Variants in ASPSCR1 observed in about 807,000 individuals in gnomAD.
The protein encoded by ASPSCR1 is tether containing UBX domain for GLUT4.
ASPSCR1 carries 55 observed loss-of-function variants against 68.9 expected under a neutral mutation model. The ratio of observed to expected loss-of-function variants is 0.80; its 90% confidence interval spans 0.64 to 1.00. The LOEUF is 1.00. Among genes scored for constraint, ASPSCR1 ranks in the 50% least tolerant of loss-of-function variants. ASPSCR1 has a pLI of 0.00. For synonymous variants in ASPSCR1, 352 were observed against 332.6 expected, an observed-to-expected ratio of 1.06 and a Z score of -0.63; for missense variants, 765 against 762.2, an observed-to-expected ratio of 1.00 and a Z score of -0.04.
chr17:82,013,932 G>A (rs1459588832), intron 12 of ASPSCR1: 1 of 152,280 alleles, frequency 6.6e-6, no homozygotes, highest in Non-Finnish European at 1.5e-5. Context: ...TCATGAGGAA[G>A]GTCACCCTGG....
rs991485902 is a variant in ASPSCR1 at position 81,999,962 on chromosome 17, A to G, written c.933+3116A>G. 8.5e-5 allele frequency among the ~76,000 whole-genome samples: 13 copies of G among 152,070 alleles called. No individual in the cohort carries two copies. Among genetic ancestry groups the G allele is most frequent in the Non-Finnish European group, 1.9e-4 (13 of 67,998 alleles). On this transcript the variant is annotated intron_variant, in intron 7 of 15. Coordinates refer to ENST00000306739, the MANE Select transcript of ASPSCR1 (RefSeq NM_024083.4). This position sits in a 1 kb window ranked among gnomAD's most constrained non-coding sequence, Gnocchi z 4.4. ...CTGTTGAGTGGACAAGGGAGTGGGG[A>G]GTGAGGGTGTTGGGTCCATTCTAGG... is the stretch of plus-strand genomic sequence containing the variant.
intron 4 of ASPSCR1, among the ~76,000 whole-genome samples, chr17:81,992,761 C>T (rs2042214412): frequency 6.6e-6 from 1 of 152,262 alleles, no homozygotes; most frequent in Non-Finnish European, 1.5e-5. Flanking sequence ...GCCGAGTCTC[C>T]AGCCATTTGG....
rs368141370 is a variant in ASPSCR1, at chr17:81,989,938, C to G, written c.374+4331C>G. 4.8e-4 allele frequency among the ~76,000 whole-genome samples: 73 copies of G among 152,342 alleles called. 2 individuals are homozygous for G. The South Asian group carries it at 0.015, about 31-fold the overall frequency. On this transcript the variant is annotated intron_variant, in intron 4 of 15. Transcript: ENST00000306739. The stretch of plus-strand genomic sequence containing the variant: ...GAGTAGCTGGGATTACTGGCGCACG[C>G]CATCACGCCTGGCTAATTTTTGTAT...
chr17:81,983,436 C>A lies in ASPSCR1; in HGVS notation c.159-118C>A, dbSNP rs534556611. ...CCGCTGTTGGGGAGCTGCCACAGGA[C>A]GTGGATGGCGGGGCGTGGATGGCGG... On this transcript the variant is annotated intron_variant, in intron 2 of 15. Transcript: ENST00000306739. The surrounding 1 kb of genome is among the most constrained non-coding windows in gnomAD (Gnocchi z 4.4). The A allele has an allele frequency of 3.7e-5, 30 of 809,924 alleles. No individual in the cohort carries two copies. In the African/African-American group the frequency reaches 3.8e-4, roughly 10 times the overall value. The allele number at this position is 809,924 out of a possible 1,614,324, so 50.2% of individuals were successfully genotyped here.
chr17:82,017,249 C>G, intron 15 of ASPSCR1, 60 bp from the exon 16 acceptor site: 1 of 1,603,994 alleles, frequency 6.2e-7, no homozygotes. Context: ...GGCTGGTGGG[C>G]GGGTGGCCGG....
At chr17:82,015,692 CT>C in intron 12 of ASPSCR1, 1 of 341,790 alleles carries the variant, frequency 2.9e-6, no homozygotes, top group Non-Finnish European at 5.4e-6. Flanking sequence ...GGGTGTGAAT[CT>C]TGGAGGCCCG....
chr17:82,016,292 T>C (rs2043122896), intron 12 of ASPSCR1, 184 bp from the exon 13 acceptor site: 1 of 610,228 alleles, frequency 1.6e-6, no homozygotes, highest in East Asian at 2.8e-5. Context: ...CAGGACGCCC[T>C]GGCCTTGCTT....
rs546767683 is a variant in ASPSCR1, at chr17:82,017,128, T to G, written c.1648+15T>G. On this transcript the variant is annotated intron_variant, in intron 15 of 15. Transcript: ENST00000306739. ...GAAGCTGCCGGGTACTGCGGCTGGGTGGAAGGTGGGGTGCTGTGGCCGGGT... is the reference window on the plus strand; with the variant it reads ...GAAGCTGCCGGGTACTGCGGCTGGGGGGAAGGTGGGGTGCTGTGGCCGGGT... 23 of 1,576,292 alleles carry G rather than the reference T, an allele frequency of 1.5e-5. No homozygotes were observed. The Admixed American group carries it at 1.5e-4, about 11-fold the overall frequency.
At position 81,981,160 on chromosome 17, in the gene ASPSCR1, G is replaced by A. The variant is rs1030928877; in HGVS notation, c.158+1921G>A. 6.4e-4 allele frequency among the ~76,000 whole-genome samples: 97 copies of A among 152,268 alleles called. 1 individual carries two copies. Among genetic ancestry groups the A allele is most frequent in the African/African-American group, 2.3e-3 (94 of 41,526 alleles). ...TTTGAAGAAACCGCAAGAGAGAAGG[G>A]CCTGGCGGGAGGTTGGCTGATGTCA... On this transcript the variant is annotated intron_variant, in intron 2 of 15. Transcript: ENST00000306739.
intron 4 of ASPSCR1, among the ~76,000 whole-genome samples, chr17:81,994,161 C>T (rs554165238): frequency 5.9e-5 from 9 of 152,210 alleles, no homozygotes; most frequent in Non-Finnish European, 1.2e-4. Context: ...GTGTGGGAGG[C>T]GTGCTGCATA....
At chr17:82,001,979 TC>T (rs2042547474) in intron 7 of ASPSCR1, among the ~76,000 whole-genome samples, 1 of 151,184 alleles carries the variant, frequency 6.6e-6, no homozygotes, top group Non-Finnish European at 1.5e-5. Flanking sequence ...TTCTTATTTT[TC>T]TTTTCTTTTT....
At chr17:81,982,363 C>T (rs1280268788) in intron 2 of ASPSCR1, among the ~76,000 whole-genome samples, 4 of 152,244 alleles carry the variant, frequency 2.6e-5, no homozygotes, top group Non-Finnish European at 4.4e-5. Flanking sequence ...CCTGCAATAC[C>T]ATAGCCATGT....
chr17:82,017,005 G>T lies in ASPSCR1; in HGVS notation c.1540G>T (p.Glu514Ter). 1 of 1,612,626 alleles carries T rather than the reference G, an allele frequency of 6.2e-7. No homozygotes were observed. ...AGCCCCTGACCCTGCACCTAAGTCTGAGCCAGCTGCTGAGGAGGGGGCGCT... is the reference window on the plus strand; with the variant it reads ...AGCCCCTGACCCTGCACCTAAGTCTTAGCCAGCTGCTGAGGAGGGGGCGCT... Reference protein sequence around the residue: ...LPAPDPAPKSEPAAEEGALVP... With the variant: ...LPAPDPAPKS The change falls in exon 15 of 16, where the codon GAG (glutamate) becomes TAG (stop). Residue 514 changes from glutamate (E) to a stop codon, truncating the protein, a stop_gained. Coordinates refer to ENST00000306739, the MANE Select transcript of ASPSCR1 (RefSeq NM_024083.4). LOFTEE classifies it high-confidence loss of function.
Position 82,017,327 on chromosome 17 carries a change from T to A in ASPSCR1, c.*5T>A, listed in dbSNP as rs768702841. Reference sequence around the variant, plus strand: ...ACTACAGCCAGCAAGAGGTGAGAGCTGCCAGCCTGAGGTGCCCACTCCGCC... The same window carrying A: ...ACTACAGCCAGCAAGAGGTGAGAGCAGCCAGCCTGAGGTGCCCACTCCGCC... On this transcript the variant is annotated 3_prime_UTR_variant, in exon 16 of 16. Transcript: ENST00000306739. 5.1e-5 allele frequency: 82 copies of A among 1,611,190 alleles called. No individual in the cohort carries two copies. Among genetic ancestry groups the A allele is most frequent in the Non-Finnish European group, 6.3e-5 (74 of 1,179,922 alleles).
rs1271794708 is a variant in ASPSCR1, at chr17:81,987,651, C to A, written c.374+2044C>A. Among the ~76,000 whole-genome samples, 1 of 152,116 alleles carries A rather than the reference C, an allele frequency of 6.6e-6. No individual in the cohort carries two copies. The highest frequency in any genetic ancestry group is 6.5e-5 in the Admixed American group (1 of 15,274). On this transcript the variant is annotated intron_variant, in intron 4 of 15. Coordinates refer to ENST00000306739, the MANE Select transcript of ASPSCR1 (RefSeq NM_024083.4). This position sits in a 1 kb window ranked among gnomAD's most constrained non-coding sequence, Gnocchi z 5.6. Reference sequence around the variant, plus strand: ...ATTGTGGTAGCATAAGCCTCTTCAACAGACTTTGTAAACCTCGTGTGAAAC... The same window carrying A: ...ATTGTGGTAGCATAAGCCTCTTCAAAAGACTTTGTAAACCTCGTGTGAAAC...
Position 81,987,604 on chromosome 17 carries a change from T to G in ASPSCR1, c.374+1997T>G, listed in dbSNP as rs946633898. Among the ~76,000 whole-genome samples, 4 of 151,762 alleles carry G rather than the reference T, an allele frequency of 2.6e-5. No homozygotes were observed. The highest frequency in any genetic ancestry group is 5.9e-5 in the Non-Finnish European group (4 of 67,932). On this transcript the variant is annotated intron_variant, in intron 4 of 15. Transcript: ENST00000306739. This position sits in a 1 kb window ranked among gnomAD's most constrained non-coding sequence, Gnocchi z 5.6. ...GCTGCCACTGGGGAGGGGCCGAGGG[T>G]GTCTGGAGAGGTGGGGCCGGCATTG...
At chr17:82,016,905 C>T (rs764951155) in intron 14 of ASPSCR1, 36 bp downstream of exon 14, 97 of 1,611,968 alleles carry the variant, frequency 6.0e-5, no homozygotes, top group Non-Finnish European at 6.7e-5. Flanking sequence ...CCTCCCGTGG[C>T]GGCACTCACC....
chr17:81,993,492 C>T (rs1028585530), intron 4 of ASPSCR1, among the ~76,000 whole-genome samples: 4 of 152,204 alleles, frequency 2.6e-5, no homozygotes, highest in Admixed American at 6.5e-5. Flanking sequence ...GGATTACAGG[C>T]GTGAGCCACC....
Position 81,985,567 on chromosome 17 carries a change from C to G in ASPSCR1, c.334C>G (p.Gln112Glu). 1 of 1,614,048 alleles carries G rather than the reference C, an allele frequency of 6.2e-7. No individual in the cohort carries two copies. Residue 112 changes from glutamine to glutamate, a missense_variant, in exon 4 of 16, where the codon CAG (glutamine) becomes GAG (glutamate). Gln to Glu is a conservative substitution (Grantham distance 29, BLOSUM62 2). Transcript: ENST00000306739. Reference sequence around the variant, plus strand: ...GTTGCAGGACTCTTTCTGTTCAGGCCAGACCCTCTGGGAGCTTCTCAGCCA... The same window carrying G: ...GTTGCAGGACTCTTTCTGTTCAGGCGAGACCCTCTGGGAGCTTCTCAGCCA... ...SRLQDSFCSG[Q>E]TLWELLSHFP...
Sources: gnomAD v4.1 joint callset for allele counts (sites outside exome capture counted in the v4.1 genomes callset) on GRCh38, gnomAD v4.1.1 for gene constraint, Gnocchi (gnomAD v3.1) non-coding constraint, MANE v1.5 for transcripts, NCBI Gene and HGNC (gene_info 2026-07-23, HGNC 2026-07-21) for gene names.